Variants in TBC1D2B observed in about 807,000 individuals in gnomAD.
TBC1D2B encodes TBC1 domain family, member 2B.
Under a neutral mutation model 100.8 loss-of-function variants are expected in TBC1D2B, and 64 were observed. The ratio of observed to expected loss-of-function variants is 0.64; its 90% CI spans 0.52 to 0.78. The LOEUF is 0.78. Ranked by LOEUF, TBC1D2B falls within the 30% of genes least tolerant of loss-of-function variation. The pLI, the probability that TBC1D2B is intolerant of heterozygous loss-of-function variation, is 0.00. For synonymous variants in TBC1D2B, 480 were observed against 479.7 expected, an observed-to-expected ratio of 1.00 and a Z score of -0.01; for missense variants, 1,052 against 1,218.4, an observed-to-expected ratio of 0.86 and a Z score of 2.03.
intron 4 of TBC1D2B, among the ~76,000 whole-genome samples, chr15:78,028,880 G>A (rs2072737592): frequency 6.6e-6 from 1 of 152,114 alleles, no homozygotes; most frequent in African/African-American, 2.4e-5. Flanking sequence ...AAAAAGCCAG[G>A]GAGCTGTTTA....
intron 9 of TBC1D2B, among the ~76,000 whole-genome samples, chr15:78,011,577 C>T (rs1424648348): frequency 2.0e-5 from 3 of 148,668 alleles, no homozygotes; most frequent in African/African-American, 7.5e-5. Context: ...CTCAAGCGAT[C>T]CTCCCACCTC....
At chr15:78,016,148 C>A (rs1325145486) in intron 8 of TBC1D2B, among the ~76,000 whole-genome samples, 1 of 152,018 alleles carries the variant, frequency 6.6e-6, no homozygotes, top group African/African-American at 2.4e-5. Flanking sequence ...GTGCTTTCCC[C>A]AAAAATATAT....
intron 4 of TBC1D2B, among the ~76,000 whole-genome samples, chr15:78,027,020 G>T (rs2072688617): frequency 6.6e-6 from 1 of 151,708 alleles, no homozygotes; most frequent in Non-Finnish European, 1.5e-5. Flanking sequence ...GAAGTTCAAG[G>T]CCAGCCTAGG....
intron 1 of TBC1D2B, among the ~76,000 whole-genome samples, chr15:78,067,064 A>C (rs545044141): frequency 6.6e-6 from 1 of 152,358 alleles, no homozygotes; most frequent in African/African-American, 2.4e-5. Context: ...ATTTTCTACT[A>C]ATGGATTACG....
intron 3 of TBC1D2B, among the ~76,000 whole-genome samples, chr15:78,040,605 T>A (rs200110803): frequency 9.7e-3 from 247 of 25,516 alleles, no homozygotes; most frequent in East Asian, 0.066. Context: ...AGAGAGAAAG[T>A]GAGAGAGAAA....
In TBC1D2B at chr15:78,010,857, C is replaced by T. The variant is rs552100892; in HGVS notation, c.2271-1743G>A. Reference sequence around the variant, plus strand: ...AAGAATTACAATTCAGAGGTTTTAACGGTGGTGAGGGCGGAAGTGTAGACA... The same window carrying T: ...AAGAATTACAATTCAGAGGTTTTAATGGTGGTGAGGGCGGAAGTGTAGACA... On this transcript the variant is annotated intron_variant, in intron 9 of 12. Coordinates refer to ENST00000300584, the MANE Select transcript of TBC1D2B (RefSeq NM_144572.2). Among the ~76,000 whole-genome samples, 18 of 152,238 alleles carry T rather than the reference C, an allele frequency of 1.2e-4. 1 individual carries two copies. The highest frequency in any genetic ancestry group is 3.6e-4 in the African/African-American group (15 of 41,544).
At chr15:78,074,653 A>G (rs1158655998) in intron 1 of TBC1D2B, among the ~76,000 whole-genome samples, 1 of 152,162 alleles carries the variant, frequency 6.6e-6, no homozygotes, top group Non-Finnish European at 1.5e-5. Context: ...ACTACCTGGA[A>G]ACCAGAGCTC....
Position 77,995,943 on chromosome 15 carries a change from G to A in TBC1D2B, c.*2217C>T, listed in dbSNP as rs945589452. The A allele has an allele frequency of 6.6e-6, 1 of 151,668 alleles. No homozygotes were observed. Among genetic ancestry groups the A allele is most frequent in the Non-Finnish European group, 1.5e-5 (1 of 67,856 alleles). The allele number at this position is 151,668 out of a possible 1,614,324, so 9.4% of individuals were successfully genotyped here. On this transcript the variant is annotated 3_prime_UTR_variant, in exon 13 of 13. Transcript: ENST00000300584. ...CAGCTCTTTCCTCAGTGACCCGAGG[G>A]AGGGGAAGTGTTAGCGCAAAAGAGT...
chr15:78,037,316 C>T (rs996619856), intron 3 of TBC1D2B, among the ~76,000 whole-genome samples: 3 of 152,184 alleles, frequency 2.0e-5, no homozygotes, highest in African/African-American at 7.2e-5. Flanking sequence ...CTTGCACTTG[C>T]ATTCCCCTTT....
chr15:78,022,362 A>G (rs2072536637), intron 6 of TBC1D2B, among the ~76,000 whole-genome samples: 1 of 152,222 alleles, frequency 6.6e-6, no homozygotes. Context: ...CTGTCTCAAA[A>G]AAAATAAATA....
At position 78,040,579 on chromosome 15, in the gene TBC1D2B, G is replaced by A. The variant is rs990007793; in HGVS notation, c.683+4321C>T. ...AATGAAAAAAGAAAAGAAAGGAAAGGAAAGGGGAGAAAGAAAGAGAGAAAG... is the reference window on the plus strand; with the variant it reads ...AATGAAAAAAGAAAAGAAAGGAAAGAAAAGGGGAGAAAGAAAGAGAGAAAG... On this transcript the variant is annotated intron_variant, in intron 3 of 12. Coordinates refer to ENST00000300584, the MANE Select transcript of TBC1D2B (RefSeq NM_144572.2). Among the ~76,000 whole-genome samples, 14 of 127,560 alleles carry A rather than the reference G, an allele frequency of 1.1e-4. No individual in the cohort carries two copies. The Admixed American group carries it at 1.3e-3, about 11-fold the overall frequency. 83.7% of individuals were successfully genotyped at this position (127,560 alleles called of 152,430 possible).
chr15:78,025,237 A>C, intron 5 of TBC1D2B, 22 bp downstream of exon 5: 2 of 1,604,968 alleles, frequency 1.2e-6, no homozygotes, highest in Non-Finnish European at 1.7e-6. Flanking sequence ...GGGGTAAGAC[A>C]GAAGCCAGAA....
chr15:78,076,582 TAA>T (rs34714222), intron 1 of TBC1D2B, among the ~76,000 whole-genome samples: 51 of 146,898 alleles, frequency 3.5e-4, no homozygotes, highest in African/African-American at 6.3e-4. Flanking sequence ...CCCGTTTCTT[TAA>T]AAAAAAAAAA....
chr15:78,007,986 G>A (rs1271412219), intron 10 of TBC1D2B, among the ~76,000 whole-genome samples: 1 of 152,242 alleles, frequency 6.6e-6, no homozygotes, highest in Admixed American at 6.5e-5. Flanking sequence ...AGGGCAAGGA[G>A]AGGCTGTGAG....
chr15:78,048,030 G>A (rs1019337039), intron 2 of TBC1D2B, among the ~76,000 whole-genome samples: 4 of 152,118 alleles, frequency 2.6e-5, no homozygotes, highest in East Asian at 3.9e-4. Context: ...GGTGATGAAC[G>A]GCCCCTCTGC....
intron 1 of TBC1D2B, among the ~76,000 whole-genome samples, chr15:78,057,691 T>A (rs1036249635): frequency 2.6e-5 from 4 of 152,076 alleles, no homozygotes; most frequent in Non-Finnish European, 5.9e-5. Flanking sequence ...TTGACTTCAA[T>A]CCCCAATTAG....
chr15:78,033,857 T>C (rs16969422), intron 3 of TBC1D2B, among the ~76,000 whole-genome samples: 21,703 of 152,208 alleles, frequency 0.14, 1,828 homozygotes, highest in Non-Finnish European at 0.19. Context: ...CATTTTTCCT[T>C]TTTACTTGTA....
chr15:78,054,638 G>A (rs1334957120), intron 1 of TBC1D2B, among the ~76,000 whole-genome samples: 1 of 152,152 alleles, frequency 6.6e-6, no homozygotes, highest in Non-Finnish European at 1.5e-5. Flanking sequence ...GATTAAAAAC[G>A]AGCTGGCACT....
chr15:78,005,263 A>G (rs1348890523), intron 10 of TBC1D2B, among the ~76,000 whole-genome samples: 1 of 152,228 alleles, frequency 6.6e-6, no homozygotes, highest in African/African-American at 2.4e-5. Context: ...TCTGGAGGAC[A>G]TGGAATGACT....
Sources: allele counts gnomAD v4.1 joint callset (sites outside exome capture counted in the v4.1 genomes callset), GRCh38; gene constraint gnomAD v4.1.1; transcripts MANE v1.5; gene names NCBI Gene and HGNC (gene_info 2026-07-23, HGNC 2026-07-21).